Variants in ERAP1 observed in about 807,000 individuals in gnomAD.
The protein encoded by ERAP1 is adipocyte-derived leucine aminopeptidase.
In ERAP1, 86 loss-of-function variants were observed where a neutral mutation model predicts 103.7. That is an observed-to-expected ratio of 0.83 (90% confidence interval 0.70 to 0.99). The LOEUF is 0.99. ERAP1 is among the 50% of genes least tolerant of loss of function. The probability of loss-of-function intolerance (pLI) is 0.00; values close to 1 mark genes in which losing one functional copy is unlikely to be tolerated. For missense variants in ERAP1, 1,009 were observed against 1,128.4 expected (o/e 0.89, Z 1.52); for synonymous variants, 398 against 402.4 (o/e 0.99, Z 0.13).
chr5:96,861,851 C>T, the ERAP1 span, among the ~76,000 whole-genome samples: 10 of 152,300 alleles, frequency 6.6e-5, no homozygotes, highest in South Asian at 1.2e-3. Context: ...AACATCCTTG[C>T]GGGAATTCTG....
intron 7 of ERAP1, among the ~76,000 whole-genome samples, chr5:96,792,864 A>T (rs1467137473): frequency 1.3e-5 from 2 of 152,196 alleles, no homozygotes; most frequent in African/African-American, 4.8e-5. Flanking sequence ...GGATAAAAAA[A>T]TTTTTACATA....
intron 12 of ERAP1, among the ~76,000 whole-genome samples, 189 bp downstream of exon 12, chr5:96,786,281 T>C (rs918347127): frequency 1.3e-5 from 2 of 152,238 alleles, no homozygotes; most frequent in Admixed American, 1.3e-4. Flanking sequence ...CCCTCCTTTT[T>C]AGCATTATAT....
chr5:96,906,626 T>G, the ERAP1 span, among the ~76,000 whole-genome samples: 1 of 152,216 alleles, frequency 6.6e-6, no homozygotes, highest in Non-Finnish European at 1.5e-5. Flanking sequence ...TCATACATTT[T>G]AAATGTAATT....
the ERAP1 span, among the ~76,000 whole-genome samples, chr5:96,882,076 A>G: frequency 2.0e-5 from 3 of 151,442 alleles, no homozygotes; most frequent in Non-Finnish European, 2.9e-5. Flanking sequence ...ACCTAGGACA[A>G]CTCTTCCCCA....
At chr5:96,810,835 CAATT>C (rs1056340267), upstream of ERAP1, among the ~76,000 whole-genome samples, 88 of 152,324 alleles carry the variant, frequency 5.8e-4, no homozygotes, top group African/African-American at 1.9e-3. Context: ...AGCTTTTAGT[CAATT>C]AATGTCAGCG....
At chr5:96,897,456 T>C in the ERAP1 span, among the ~76,000 whole-genome samples, 1 of 152,256 alleles carries the variant, frequency 6.6e-6, no homozygotes, top group African/African-American at 2.4e-5. Flanking sequence ...AGTGCACTTA[T>C]AATCTGTTCC....
At chr5:96,933,900 T>C in the ERAP1 span, among the ~76,000 whole-genome samples, 1 of 152,208 alleles carries the variant, frequency 6.6e-6, no homozygotes, top group African/African-American at 2.4e-5. Context: ...GGTTCTAAAA[T>C]GTCAGTACTA....
chr5:96,874,474 G>T, the ERAP1 span, among the ~76,000 whole-genome samples: 3 of 152,236 alleles, frequency 2.0e-5, no homozygotes, highest in Admixed American at 2.0e-4. Flanking sequence ...CTGCCCCCAC[G>T]CCCTGCAGAG....
the ERAP1 span, among the ~76,000 whole-genome samples, chr5:96,847,386 A>C: frequency 6.6e-6 from 1 of 152,214 alleles, no homozygotes; most frequent in Non-Finnish European, 1.5e-5. Context: ...GAGGATTTTA[A>C]TATCCCACTC....
At position 96,790,512 on chromosome 5, in the gene ERAP1, A is replaced by G. The variant is rs1339959731; in HGVS notation, c.1452T>C (p.Ser484=). ...CAGAGATATTCAAAAACATACTCAC[A>G]CTTGCCATACTATCCCACAGGTCCT... is the stretch of plus-strand genomic sequence containing the variant. ...KNEDLWDSMA[S]ICPTDGVKGM... is the part of the protein sequence containing the mutation. Residue 484 remains serine (S), a splice_region_variant and synonymous_variant, in exon 9 of 19, where the codon AGT becomes AGC. Coordinates refer to ENST00000443439, the MANE Select transcript of ERAP1 (RefSeq NM_001040458.3). 1.2e-6 allele frequency: 2 copies of G among 1,613,938 alleles called. No individual in the cohort carries two copies. Among genetic ancestry groups the G allele is most frequent in the East Asian group, 2.2e-5 (1 of 44,868 alleles).
At chr5:96,932,377 A>G in the ERAP1 span, among the ~76,000 whole-genome samples, 8 of 152,264 alleles carry the variant, frequency 5.3e-5, no homozygotes, top group Non-Finnish European at 1.0e-4. Flanking sequence ...GCAGGGCTGA[A>G]TCCAAATTCC....
the ERAP1 span, chr5:96,919,514 A>G: frequency 6.6e-6 from 1 of 152,338 alleles, no homozygotes; most frequent in Non-Finnish European, 1.5e-5. Context: ...ACCATCAACA[A>G]TGTTTCCATA....
the ERAP1 span, among the ~76,000 whole-genome samples, chr5:96,856,365 T>TATATATATATATATATAG: frequency 9.1e-3 from 186 of 20,368 alleles, 4 homozygotes; most frequent in Non-Finnish European, 0.012. Flanking sequence ...TATATATATA[T>TATATATATATATATATAG]AGAGAGAGAG....
In ERAP1 at chr5:96,774,491, C is replaced by G; in HGVS notation, c.*1905G>C. 1 of 986,224 alleles carries G rather than the reference C, an allele frequency of 1.0e-6. No homozygotes were observed. Among genetic ancestry groups the G allele is most frequent in the Non-Finnish European group, 1.2e-6 (1 of 829,392 alleles). 61.1% of individuals were successfully genotyped at this position (986,224 alleles called of 1,614,324 possible). Reference sequence around the variant, plus strand: ...ATAATTGCAAATATCCACTTAGAGGCAAAGAACAATTTTTTATTATCAAAA... The same window carrying G: ...ATAATTGCAAATATCCACTTAGAGGGAAAGAACAATTTTTTATTATCAAAA... On this transcript the variant is annotated 3_prime_UTR_variant, in exon 19 of 19. Transcript: ENST00000443439.
the ERAP1 span, among the ~76,000 whole-genome samples, chr5:96,908,119 T>C: frequency 2.6e-5 from 4 of 152,086 alleles, no homozygotes; most frequent in African/African-American, 7.2e-5. Flanking sequence ...CCAGAAGAGG[T>C]AGAGCACTAT....
the ERAP1 span, among the ~76,000 whole-genome samples, chr5:96,833,574 G>A: frequency 3.3e-5 from 5 of 152,038 alleles, no homozygotes; most frequent in African/African-American, 1.2e-4. Flanking sequence ...ACTATTTTAG[G>A]GAGTGGGAAG....
At chr5:96,873,745 T>C in the ERAP1 span, 1 of 321,316 alleles carries the variant, frequency 3.1e-6, no homozygotes, top group Non-Finnish European at 6.2e-6. Context: ...CTAACATTTG[T>C]TGAGGGTCTC....
chr5:96,900,125 G>C, the ERAP1 span: 1 of 1,613,814 alleles, frequency 6.2e-7, no homozygotes, highest in Non-Finnish European at 8.5e-7. Flanking sequence ...TTGTAGAGTT[G>C]TTTAGAAAGT....
intron 13 of ERAP1, 109 bp downstream of exon 13, chr5:96,785,679 C>T: frequency 1.6e-6 from 2 of 1,263,994 alleles, no homozygotes; most frequent in South Asian, 2.5e-5. Flanking sequence ...AGGAAAACAC[C>T]TTTCAACTTC....
Sources: gnomAD v4.1 joint callset for allele counts (sites outside exome capture counted in the v4.1 genomes callset) on GRCh38, gnomAD v4.1.1 for gene constraint, MANE v1.5 for transcripts, NCBI Gene and HGNC (gene_info 2026-07-23, HGNC 2026-07-21) for gene names.